HSPA14: variants seen among roughly 807,000 people sequenced by gnomAD.
The protein encoded by HSPA14 is heat shock protein family A (Hsp70) member 14.
A neutral mutation model predicts 65.5 loss-of-function variants in HSPA14; 37 were observed. That is an observed-to-expected ratio of 0.56 (90% CI 0.43 to 0.74). HSPA14 has a LOEUF of 0.74. HSPA14 is among the 30% of genes least tolerant of loss of function. The pLI is 0.00. For synonymous variants in HSPA14, 203 were observed against 214.2 expected (o/e 0.95, Z 0.46); for missense variants, 564 against 607.6 (o/e 0.93, Z 0.75).
At chr10:14,871,228 G>A (rs1468580982) in intron 13 of HSPA14, among the ~76,000 whole-genome samples, 1 of 152,162 alleles carries the variant, frequency 6.6e-6, no homozygotes, top group Non-Finnish European at 1.5e-5. Context: ...ATAGCATGGT[G>A]CATCTGGAGC....
chr10:14,857,788 T>C (rs1231702654), intron 10 of HSPA14, among the ~76,000 whole-genome samples: 1 of 152,230 alleles, frequency 6.6e-6, no homozygotes, highest in African/African-American at 2.4e-5. Flanking sequence ...AAATATGAAA[T>C]ATACTTTTCT....
chr10:14,861,640 T>C (rs1832750745), intron 10 of HSPA14, among the ~76,000 whole-genome samples: 1 of 152,172 alleles, frequency 6.6e-6, no homozygotes, highest in Non-Finnish European at 1.5e-5. Context: ...GAATGCTGGA[T>C]TCCTTCTTTT....
At chr10:14,869,999 A>C (rs1588823033) in intron 12 of HSPA14, among the ~76,000 whole-genome samples, 2 of 152,224 alleles carry the variant, frequency 1.3e-5, no homozygotes, top group African/African-American at 2.4e-5. Context: ...TAACTTACCT[A>C]AGTTATTAAA....
At chr10:14,838,636 TC>T (rs1276660255) in intron 1 of HSPA14, 177 bp downstream of exon 1, 1 of 597,588 alleles carries the variant, frequency 1.7e-6, no homozygotes, top group Non-Finnish European at 2.8e-6. Context: ...GCCTGGCGAT[TC>T]CTCCGGAAAG....
chr10:14,840,065 T>TA lies in HSPA14; in HGVS notation c.139-10_139-9insA. ...TAATATATATATATATATATTATTT[T>TA]TTTTTTCAGATTGTTGGATTGGCAG... On this transcript the variant is annotated splice_polypyrimidine_tract_variant and intron_variant, in intron 2 of 13. Transcript: ENST00000378372. 1 of 1,308,558 alleles carries TA rather than the reference T, an allele frequency of 7.6e-7. No individual in the cohort carries two copies. Among genetic ancestry groups the TA allele is most frequent in the African/African-American group, 1.5e-5 (1 of 66,812 alleles). 81.1% of individuals were successfully genotyped at this position (1,308,558 alleles called of 1,614,324 possible).
intron 12 of HSPA14, 152 bp from the exon 13 acceptor site, chr10:14,870,445 T>C: frequency 1.3e-6 from 1 of 774,306 alleles, no homozygotes; most frequent in South Asian, 1.9e-5. Flanking sequence ...ATTCTCTGAA[T>C]TCTGATTCAG....
intron 10 of HSPA14, among the ~76,000 whole-genome samples, chr10:14,857,376 A>G (rs1832711691): frequency 6.6e-6 from 1 of 152,242 alleles, no homozygotes; most frequent in African/African-American, 2.4e-5. Flanking sequence ...GAATTAACTA[A>G]TATTCCCATC....
chr10:14,871,535 T>C lies in HSPA14; in HGVS notation c.1459T>C (p.Ser487Pro). 1 of 1,580,742 alleles carries C rather than the reference T, an allele frequency of 6.3e-7. No homozygotes were observed. Among genetic ancestry groups the C allele is most frequent in the Admixed American group, 1.7e-5 (1 of 57,182 alleles). Residue 487 changes from serine to proline, a missense_variant, in exon 14 of 14, where the codon TCT becomes CCT. Physicochemically the swap from Ser to Pro is moderately conservative, Grantham distance 74. Transcript: ENST00000378372. Reference sequence around the variant, plus strand: ...ATTTTTTTGTCTGTTTAGGGATGGATCTTTACATGTGACATGCACAGATCA... The same window carrying C: ...ATTTTTTTGTCTGTTTAGGGATGGACCTTTACATGTGACATGCACAGATCA... ...LAVLTMKRDG[S>P]LHVTCTDQET...
At chr10:14,851,414 C>A in intron 7 of HSPA14, 91 bp downstream of exon 7, 1 of 762,154 alleles carries the variant, frequency 1.3e-6, no homozygotes, top group South Asian at 1.6e-5. Context: ...TTATGTAATG[C>A]AGTGGTTCCA....
intron 10 of HSPA14, among the ~76,000 whole-genome samples, chr10:14,862,626 C>T (rs1185247398): frequency 1.1e-4 from 17 of 152,126 alleles, no homozygotes; most frequent in Admixed American, 7.9e-4. Context: ...CCGCCCACCT[C>T]GGCCTCCCAA....
chr10:14,838,577 T>C, intron 1 of HSPA14, 118 bp downstream of exon 1: 1 of 1,015,922 alleles, frequency 9.8e-7, no homozygotes, highest in Non-Finnish European at 1.4e-6. Flanking sequence ...TGGAGTGGCG[T>C]TGCCGCGAGG....
At chr10:14,853,273 CAT>C (rs1834121931) in intron 8 of HSPA14, among the ~76,000 whole-genome samples, 1 of 152,116 alleles carries the variant, frequency 6.6e-6, no homozygotes, top group African/African-American at 2.4e-5. Context: ...AACATGAACT[CAT>C]ATTGGAGATA....
In HSPA14 at chr10:14,848,684, C is replaced by T. The variant is rs577529675; in HGVS notation, c.270+27C>T. ...TGAGTATGGTTCTGTTATTGCTTCC[C>T]TGTTACATAGAGTAATTACCAAGGT... On this transcript the variant is annotated intron_variant, in intron 4 of 13. Transcript: ENST00000378372. 2.2e-5 allele frequency: 35 copies of T among 1,580,458 alleles called. No individual in the cohort carries two copies. In the African/African-American group the frequency reaches 4.6e-4, roughly 21 times the overall value.
chr10:14,841,513 T>C lies in HSPA14; in HGVS notation c.221+1356T>C, dbSNP rs190454189. On this transcript the variant is annotated intron_variant, in intron 3 of 13. Coordinates refer to ENST00000378372, the MANE Select transcript of HSPA14 (RefSeq NM_016299.4). ...CCCGTGGTTATATCTTGCAAAATTATAGTACAGTGTCACAACCAAGATGCT... is the reference window on the plus strand; with the variant it reads ...CCCGTGGTTATATCTTGCAAAATTACAGTACAGTGTCACAACCAAGATGCT... 1.3e-3 allele frequency among the ~76,000 whole-genome samples: 202 copies of C among 152,342 alleles called. 2 individuals are homozygous for C. The highest frequency in any genetic ancestry group is 2.4e-3 in the Non-Finnish European group (163 of 68,032).
In HSPA14 at chr10:14,842,606, C is replaced by G. The variant is rs142727275; in HGVS notation, c.221+2449C>G. On this transcript the variant is annotated intron_variant, in intron 3 of 13. Coordinates refer to ENST00000378372, the MANE Select transcript of HSPA14 (RefSeq NM_016299.4). This position sits in a 1 kb window ranked among gnomAD's most constrained non-coding sequence, Gnocchi z 5.2. ...TCTCCGAAATCAGATAGTGACTGACCCAGACAACTTAATGGAGGATGCTGC... is the reference window on the plus strand; with the variant it reads ...TCTCCGAAATCAGATAGTGACTGACGCAGACAACTTAATGGAGGATGCTGC... The G allele has an allele frequency of 3.6e-3, 5,521 of 1,536,086 alleles. 17 individuals are homozygous for G. Among genetic ancestry groups the G allele is most frequent in the Middle Eastern group, 0.017 (102 of 5,992 alleles).
Position 14,838,360 on chromosome 10 carries a change from TG to T in HSPA14, c.-38del. The T allele has an allele frequency of 1.9e-6, 3 of 1,568,236 alleles. No homozygotes were observed. Among genetic ancestry groups the T allele is most frequent in the Non-Finnish European group, 8.6e-7 (1 of 1,158,992 alleles). ...TTGGGCGGCCGGTAGCTGTTGCTGT[TG>T]GGGGACCCCCTCATTCCTGCCGCTG... On this transcript the variant is annotated 5_prime_UTR_variant, in exon 1 of 14. Coordinates refer to ENST00000378372, the MANE Select transcript of HSPA14 (RefSeq NM_016299.4).
At chr10:14,846,998 T>C (rs1309834800) in intron 3 of HSPA14, 3 of 985,366 alleles carry the variant, frequency 3.0e-6, no homozygotes, top group African/African-American at 1.7e-5. Flanking sequence ...CACTTGTATG[T>C]AGTTGTGGGT....
intron 10 of HSPA14, among the ~76,000 whole-genome samples, chr10:14,865,666 C>T (rs1470812516): frequency 6.6e-6 from 1 of 152,142 alleles, no homozygotes; most frequent in Non-Finnish European, 1.5e-5. Flanking sequence ...GGGCTCTGTT[C>T]TGTTCCATTG....
At chr10:14,868,787 C>T (rs1832828757) in intron 12 of HSPA14, among the ~76,000 whole-genome samples, 1 of 152,202 alleles carries the variant, frequency 6.6e-6, no homozygotes, top group Non-Finnish European at 1.5e-5. Flanking sequence ...AGGACATGAG[C>T]ATGAATTACT....
Sources: gnomAD v4.1 joint callset for allele counts (sites outside exome capture counted in the v4.1 genomes callset) on GRCh38, gnomAD v4.1.1 for gene constraint, Gnocchi (gnomAD v3.1) non-coding constraint, MANE v1.5 for transcripts, NCBI Gene and HGNC (gene_info 2026-07-23, HGNC 2026-07-21) for gene names.